The following MYO1E variants were observed in gnomAD, a reference collection of about 807,000 sequenced individuals.
MYO1E encodes the protein unconventional myosin-Ie.
MYO1E carries 68 observed loss-of-function variants against 151.1 expected under a neutral mutation model. That is an observed-to-expected ratio of 0.45 (90% CI 0.37 to 0.55). MYO1E has a LOEUF of 0.55. MYO1E is among the 20% of genes least tolerant of loss of function. The probability of loss-of-function intolerance (pLI) is 0.00; values close to 1 mark genes in which losing one functional copy is unlikely to be tolerated. For synonymous variants in MYO1E, 601 were observed against 501.7 expected (o/e 1.20, Z -2.64); for missense variants, 1,363 against 1,389.3 (o/e 0.98, Z 0.30).
chr15:59,268,880 G>A (rs1252750665), intron 2 of MYO1E, among the ~76,000 whole-genome samples: 1 of 151,696 alleles, frequency 6.6e-6, no homozygotes, highest in Non-Finnish European at 1.5e-5. Context: ...TGATTGGGAG[G>A]AGTGAGGCCG....
intron 4 of MYO1E, among the ~76,000 whole-genome samples, chr15:59,247,206 A>G (rs1422131364): frequency 1.3e-5 from 2 of 152,174 alleles, no homozygotes; most frequent in Non-Finnish European, 2.9e-5. Context: ...AAAAACTAAA[A>G]TAAAAAAGCA....
chr15:59,170,419 C>T (rs973134094), intron 22 of MYO1E, among the ~76,000 whole-genome samples: 1 of 152,156 alleles, frequency 6.6e-6, no homozygotes, highest in East Asian at 1.9e-4. Context: ...GGGCCCCATG[C>T]AATGACAAAC....
intron 1 of MYO1E, among the ~76,000 whole-genome samples, chr15:59,280,204 A>G (rs1232152098): frequency 2.6e-5 from 4 of 152,238 alleles, no homozygotes; most frequent in African/African-American, 9.6e-5. Context: ...TGAAATGTCA[A>G]TCTCAAAAGG....
chr15:59,200,469 T>G (rs1354075738), intron 16 of MYO1E, among the ~76,000 whole-genome samples: 9 of 151,956 alleles, frequency 5.9e-5, no homozygotes, highest in Non-Finnish European at 1.5e-5. Context: ...ATGATGTTCT[T>G]GACGCTCAGA....
At chr15:59,338,908 G>A (rs1303244179) in intron 1 of MYO1E, among the ~76,000 whole-genome samples, 2 of 152,160 alleles carry the variant, frequency 1.3e-5, no homozygotes, top group Non-Finnish European at 2.9e-5. Context: ...GAGGCAGGTG[G>A]ATCACCTGAG....
intron 1 of MYO1E, among the ~76,000 whole-genome samples, chr15:59,341,014 CT>C (rs1478717304): frequency 1.5e-4 from 8 of 51,852 alleles, no homozygotes; most frequent in Admixed American, 2.7e-4. Flanking sequence ...GAGACTCCAT[CT>C]CAAAAAAAAA....
intron 18 of MYO1E, 86 bp downstream of exon 18, chr15:59,188,032 T>G: frequency 9.9e-7 from 1 of 1,005,684 alleles, no homozygotes; most frequent in Non-Finnish European, 1.6e-6. Flanking sequence ...CATTGACTCG[T>G]ACGCTTGAAG....
At chr15:59,242,806 T>C (rs1463618129) in intron 4 of MYO1E, among the ~76,000 whole-genome samples, 3 of 152,204 alleles carry the variant, frequency 2.0e-5, no homozygotes, top group African/African-American at 7.2e-5. Flanking sequence ...CTGCATTGTT[T>C]CTATGGTAGT....
intron 4 of MYO1E, among the ~76,000 whole-genome samples, chr15:59,250,591 T>G (rs567474494): frequency 6.6e-6 from 1 of 151,882 alleles, no homozygotes; most frequent in Admixed American, 6.6e-5. Context: ...TTTTCTGAGT[T>G]TTGTGAGTTG....
In MYO1E at chr15:59,372,617, C is replaced by G; in HGVS notation, c.-117G>C. 7.4e-7 allele frequency: 1 copy of G among 1,348,140 alleles called. No homozygotes were observed. Among genetic ancestry groups the G allele is most frequent in the South Asian group, 1.3e-5 (1 of 74,842 alleles). The allele number at this position is 1,348,140 out of a possible 1,614,324, so 83.5% of individuals were successfully genotyped here. Reference sequence around the variant, plus strand: ...GTTCCCCTCGCCAAAAACAGGCTCCCGACACCCAAGCACTCACAGGAGCCA... The same window carrying G: ...GTTCCCCTCGCCAAAAACAGGCTCCGGACACCCAAGCACTCACAGGAGCCA... On this transcript the variant is annotated 5_prime_UTR_variant, in exon 1 of 28. Coordinates refer to ENST00000288235, the MANE Select transcript of MYO1E (RefSeq NM_004998.4).
chr15:59,199,856 T>C (rs900281970), intron 16 of MYO1E, among the ~76,000 whole-genome samples: 3 of 152,150 alleles, frequency 2.0e-5, no homozygotes, highest in Non-Finnish European at 4.4e-5. Context: ...GTATCAGCGA[T>C]TGGGCCATGG....
intron 16 of MYO1E, among the ~76,000 whole-genome samples, chr15:59,201,085 G>GT (rs1324152139): frequency 1.3e-5 from 2 of 151,670 alleles, no homozygotes; most frequent in African/African-American, 4.8e-5. Context: ...TTACATGATT[G>GT]TGTGTGACAC....
chr15:59,144,524 G>T (rs1343374591), intron 26 of MYO1E, among the ~76,000 whole-genome samples: 1 of 151,810 alleles, frequency 6.6e-6, no homozygotes, highest in Non-Finnish European at 1.5e-5. Context: ...TGAACTCCTG[G>T]GCTTAAGCGA....
chr15:59,354,415 T>A (rs1329229450), intron 1 of MYO1E, among the ~76,000 whole-genome samples: 2 of 152,176 alleles, frequency 1.3e-5, no homozygotes, highest in Non-Finnish European at 2.9e-5. Context: ...AACCTTCTTA[T>A]CCTGGCCATG....
chr15:59,217,508 A>G (rs2079926148), intron 10 of MYO1E, among the ~76,000 whole-genome samples: 1 of 79,142 alleles, frequency 1.3e-5, no homozygotes, highest in Non-Finnish European at 2.5e-5. Context: ...CAAAACCCTC[A>G]GTCGTTTTAC....
intron 14 of MYO1E, chr15:59,207,074 C>A: frequency 6.2e-7 from 1 of 1,614,206 alleles, no homozygotes; most frequent in Non-Finnish European, 8.5e-7. Context: ...TGGCTCTTCA[C>A]CCCCGTGAGC....
chr15:59,288,823 C>T (rs774031604), intron 1 of MYO1E, among the ~76,000 whole-genome samples: 1 of 152,142 alleles, frequency 6.6e-6, no homozygotes, highest in Non-Finnish European at 1.5e-5. Flanking sequence ...GAAAAGAAGA[C>T]GACAGACAGT....
In MYO1E at chr15:59,268,718, G is replaced by GTTTTTTTTTTTTTTTTTTTTTTTTTTT. The variant is rs1452818863; in HGVS notation, c.147+3587_147+3588insAAAAAAAAAAAAAAAAAAAAAAAAAAA. 1.7e-3 allele frequency among the ~76,000 whole-genome samples: 20 copies of GTTTTTTTTTTTTTTTTTTTTTTTTTTT among 12,044 alleles called. 1 individual carries two copies. The highest frequency in any genetic ancestry group is 2.0e-3 in the African/African-American group (15 of 7,386). The allele number at this position is 12,044 out of a possible 152,430, so 7.9% of individuals were successfully genotyped here. ...TGGTGATGGGTTCTGGGTGACTTTGGTATTTTTTTTTTTTTTTTTTTTTGC... is the reference window on the plus strand; with the variant it reads ...TGGTGATGGGTTCTGGGTGACTTTGGTTTTTTTTTTTTTTTTTTTTTTTTTTTTATTTTTTTTTTTTTTTTTTTTTGC... On this transcript the variant is annotated intron_variant, in intron 2 of 27. Transcript: ENST00000288235.
At position 59,197,105 on chromosome 15, in the gene MYO1E, G is replaced by A. The variant is rs2140331082; in HGVS notation, c.1699-1538C>T. 1.4e-5 allele frequency among the ~76,000 whole-genome samples: 2 copies of A among 143,026 alleles called. 1 individual carries two copies. Among genetic ancestry groups the A allele is most frequent in the South Asian group, 4.5e-4 (2 of 4,494 alleles). The allele number at this position is 143,026 out of a possible 152,430, so 93.8% of individuals were successfully genotyped here. A position where few individuals can be genotyped will look rare whatever the true frequency, so the allele number is the denominator to read the frequency against. ...CCTCCCGAGTTCAAGCGATTCGCCT[G>A]CCTCCGCCTCCCGAGTAGCTGGGAC... On this transcript the variant is annotated intron_variant, in intron 16 of 27. Transcript: ENST00000288235.
Sources: gnomAD v4.1 joint callset for allele counts (sites outside exome capture counted in the v4.1 genomes callset) on GRCh38, gnomAD v4.1.1 for gene constraint, MANE v1.5 for transcripts, NCBI Gene and HGNC (gene_info 2026-07-23, HGNC 2026-07-21) for gene names.